G3BP2: variants seen among roughly 807,000 people sequenced by gnomAD.
The protein encoded by G3BP2 is G3BP stress granule assembly factor 2.
A neutral mutation model predicts 56.7 loss-of-function variants in G3BP2; 11 were observed. The observed-to-expected ratio is 0.19, with a 90% confidence interval of 0.12 to 0.32. G3BP2 has a LOEUF of 0.32. G3BP2 is among the 10% of genes least tolerant of loss of function. The pLI is 1.00. For missense variants in G3BP2, 340 were observed against 610.9 expected (o/e 0.56, Z 4.67); for synonymous variants, 165 against 191.6 (o/e 0.86, Z 1.15).
intron 9 of G3BP2, among the ~76,000 whole-genome samples, chr4:75,648,222 C>A (rs1731378657): frequency 6.6e-6 from 1 of 151,958 alleles, no homozygotes; most frequent in African/African-American, 2.4e-5. Flanking sequence ...GTGGCGTGTG[C>A]CTGTAATCCC....
intron 9 of G3BP2, among the ~76,000 whole-genome samples, chr4:75,647,870 A>T (rs1472351117): frequency 6.6e-6 from 1 of 152,158 alleles, no homozygotes; most frequent in Non-Finnish European, 1.5e-5. Context: ...CTCCTCCCCA[A>T]AGCAATCTAA....
intron 3 of G3BP2, among the ~76,000 whole-genome samples, chr4:75,698,419 T>C (rs1485825264): frequency 1.3e-5 from 2 of 152,150 alleles, no homozygotes; most frequent in South Asian, 2.1e-4. Flanking sequence ...TGCTGACACC[T>C]AGAGGTTAGC....
intron 10 of G3BP2, among the ~76,000 whole-genome samples, 184 bp downstream of exon 10, chr4:75,646,845 C>T (rs1015904855): frequency 3.3e-5 from 5 of 152,132 alleles, no homozygotes; most frequent in African/African-American, 1.2e-4. Context: ...CAACACTAAG[C>T]AGTCACTGAG....
exon 1 of G3BP2, chr4:75,724,428 G>A (rs1252573860): frequency 4.0e-6 from 1 of 247,952 alleles, no homozygotes; most frequent in East Asian, 1.2e-4. Context: ...CTGCAGGGCC[G>A]GGCTTCCACC....
rs1731297636 is a variant in G3BP2 at position 75,647,177 on chromosome 4, A to G, written c.929-20T>C. 1.3e-6 allele frequency: 2 copies of G among 1,514,098 alleles called. No homozygotes were observed. The highest frequency in any genetic ancestry group is 4.6e-5 in the East Asian group (2 of 43,196). 93.8% of individuals were successfully genotyped at this position (1,514,098 alleles called of 1,614,324 possible). A position where few individuals can be genotyped will look rare whatever the true frequency, so the allele number is the denominator to read the frequency against. ...CTCTGCCTGAGAATAGAAATAGAGC[A>G]GATACTAAAGTTTACAATATCATAA... On this transcript the variant is annotated intron_variant, in intron 9 of 11. Transcript: ENST00000359707.
At chr4:75,685,337 C>T (rs1718547854) in intron 3 of G3BP2, among the ~76,000 whole-genome samples, 1 of 151,828 alleles carries the variant, frequency 6.6e-6, no homozygotes, top group East Asian at 1.9e-4. Context: ...CCTGTCTCTA[C>T]TAAAAACACA....
Position 75,655,878 on chromosome 4 carries a change from T to C in G3BP2, c.443-8A>G. On this transcript the variant is annotated splice_polypyrimidine_tract_variant and splice_region_variant and intron_variant, in intron 5 of 11. Transcript: ENST00000359707. ...CTACTTCATCTTCTGATTCTGAAAA[T>C]ACATAATACAGCACATCTTTTTTAA... 1 of 1,311,430 alleles carries C rather than the reference T, an allele frequency of 7.6e-7. No homozygotes were observed. The highest frequency in any genetic ancestry group is 1.1e-6 in the Non-Finnish European group (1 of 903,848). The allele number at this position is 1,311,430 out of a possible 1,614,324, so 81.2% of individuals were successfully genotyped here.
intron 3 of G3BP2, among the ~76,000 whole-genome samples, chr4:75,682,308 G>A (rs984164395): frequency 2.0e-5 from 3 of 151,876 alleles, no homozygotes; most frequent in South Asian, 4.2e-4. Flanking sequence ...CCAGCTGCTC[G>A]GGAGGGCTGA....
chr4:75,700,902 G>A lies in G3BP2; in HGVS notation c.-25+19975C>T, dbSNP rs936975916. Among the ~76,000 whole-genome samples the A allele has an allele frequency of 7.2e-5, 11 of 151,792 alleles. No individual in the cohort carries two copies. The East Asian group carries it at 9.8e-4, about 14-fold the overall frequency. ...TGACCAGGCTGGAATGCAATGGTGC[G>A]ATCTCAGCTCACTGCAAACTCCACC... On this transcript the variant is annotated intron_variant, in intron 3 of 3. Transcript: ENST00000499709.
chr4:75,667,993 T>C (rs373890196), intron 1 of G3BP2, among the ~76,000 whole-genome samples: 5 of 152,374 alleles, frequency 3.3e-5, no homozygotes, highest in African/African-American at 1.2e-4. Flanking sequence ...CATCAGAATA[T>C]TTTATTCATT....
intron 8 of G3BP2, among the ~76,000 whole-genome samples, chr4:75,649,830 C>T (rs1279482029): frequency 2.0e-5 from 3 of 150,730 alleles, no homozygotes; most frequent in African/African-American, 7.3e-5. Flanking sequence ...CCCAATATGG[C>T]GAAACCCAGT....
upstream of G3BP2, chr4:75,673,436 C>T (rs895986968): frequency 3.2e-6 from 4 of 1,232,138 alleles, no homozygotes; most frequent in African/African-American, 4.7e-5. Context: ...CCACCGCCCC[C>T]TCTTATTGTT....
rs140413061 is a variant in G3BP2, at chr4:75,657,600, T to C, written c.308A>G (p.Gln103Arg). 633 of 1,612,874 alleles carry C rather than the reference T, an allele frequency of 3.9e-4. 1 individual carries two copies. The highest frequency in any genetic ancestry group is 4.9e-4 in the Non-Finnish European group (578 of 1,179,590). The change falls in exon 4 of 12, where the codon CAA becomes CGA. Residue 103 changes from glutamine (Q) to arginine (R), a missense_variant. Coordinates refer to ENST00000359707, the MANE Select transcript of G3BP2 (RefSeq NM_203505.3). The stretch of plus-strand genomic sequence containing the variant: ...GGTTTGCATAAACTTTCTTTCTGGT[T>C]GTCCACTGTTAGACAGCAAACCCAT... ...QVMGLLSNSG[Q>R]PERKFMQTFV... is the part of the protein sequence containing the mutation.
At position 75,656,906 on chromosome 4, in the gene G3BP2, T is replaced by C. The variant is rs1045302919; in HGVS notation, c.442+18A>G. On this transcript the variant is annotated intron_variant, in intron 5 of 11. Coordinates refer to ENST00000359707, the MANE Select transcript of G3BP2 (RefSeq NM_203505.3). ...CCAACAGAACCCTTCTATCTTCATA[T>C]CTTCAAAGTAACCTCACCTTCATCA... 1.2e-5 allele frequency: 14 copies of C among 1,174,814 alleles called. No individual in the cohort carries two copies. Among genetic ancestry groups the C allele is most frequent in the Non-Finnish European group, 1.8e-5 (14 of 787,430 alleles). The allele number at this position is 1,174,814 out of a possible 1,614,324, so 72.8% of individuals were successfully genotyped here.
rs564015150 is a variant in G3BP2 at position 75,650,204 on chromosome 4, G to T, written c.826-1463C>A. Reference sequence around the variant, plus strand: ...CACCCCAGCACTTTGGGAGGCCGAGGCGGGCAGATCACCTGAGGTCGGGAG... The same window carrying T: ...CACCCCAGCACTTTGGGAGGCCGAGTCGGGCAGATCACCTGAGGTCGGGAG... On this transcript the variant is annotated intron_variant, in intron 8 of 11. Transcript: ENST00000359707. 5.2e-3 allele frequency among the ~76,000 whole-genome samples: 794 copies of T among 151,880 alleles called. 4 individuals carry two copies. Among genetic ancestry groups the T allele is most frequent in the Middle Eastern group, 0.014 (4 of 292 alleles).
chr4:75,703,550 T>C (rs1719427285), intron 3 of G3BP2, among the ~76,000 whole-genome samples: 1 of 152,230 alleles, frequency 6.6e-6, no homozygotes, highest in Admixed American at 6.5e-5. Context: ...AGTCCTAAAA[T>C]GTATACGACT....
chr4:75,694,833 A>T, intron 3 of G3BP2: 3 of 985,674 alleles, frequency 3.0e-6, no homozygotes, highest in Non-Finnish European at 3.6e-6. Flanking sequence ...GCACTAGCAG[A>T]CAGGATGGGC....
At chr4:75,715,970 TGC>T (rs1450096042) in intron 3 of G3BP2, among the ~76,000 whole-genome samples, 1 of 152,182 alleles carries the variant, frequency 6.6e-6, no homozygotes, top group African/African-American at 2.4e-5. Flanking sequence ...GACCGGCTGC[TGC>T]AATAACCTAT....
At chr4:75,701,196 C>G (rs984068768) in intron 3 of G3BP2, among the ~76,000 whole-genome samples, 1 of 152,046 alleles carries the variant, frequency 6.6e-6, no homozygotes, top group South Asian at 2.1e-4. Flanking sequence ...CTTATCCCCC[C>G]CAATTTGCAA....
Sources: allele counts gnomAD v4.1 joint callset (sites outside exome capture counted in the v4.1 genomes callset), GRCh38; gene constraint gnomAD v4.1.1; transcripts MANE v1.5; gene names NCBI Gene and HGNC (gene_info 2026-07-23, HGNC 2026-07-21).